ITGA5: variants seen among roughly 807,000 people sequenced by gnomAD.
The protein encoded by ITGA5 is integrin alpha-5.
A neutral mutation model predicts 146.3 loss-of-function variants in ITGA5; 55 were observed. The observed-to-expected ratio is 0.38, with a 90% CI of 0.30 to 0.47. The LOEUF (loss-of-function observed/expected upper bound fraction) is 0.47, where lower values mean the gene tolerates loss of function less well. ITGA5 is among the 20% of genes least tolerant of loss of function. The probability of loss-of-function intolerance (pLI) is 0.99; values close to 1 mark genes in which losing one functional copy is unlikely to be tolerated. For missense variants in ITGA5, 1,131 were observed against 1,329.0 expected, an observed-to-expected ratio of 0.85 and a Z score of 2.32; for synonymous variants, 500 against 531.8, an observed-to-expected ratio of 0.94 and a Z score of 0.82.
rs149252170 is a variant in ITGA5, at chr12:54,409,144, T to C, written c.583+88A>G. On this transcript the variant is annotated intron_variant, in intron 4 of 29. Transcript: ENST00000293379. The surrounding 1 kb of genome is among the most constrained non-coding windows in gnomAD (Gnocchi z 4.7). Reference sequence around the variant, plus strand: ...CAACCTAGAACCTCATGGGGGCACATGGTAGGTGCGAGTCAACCCTAAGTA... The same window carrying C: ...CAACCTAGAACCTCATGGGGGCACACGGTAGGTGCGAGTCAACCCTAAGTA... The C allele has an allele frequency of 3.0e-4, 462 of 1,532,342 alleles. 1 individual carries two copies. The African/African-American group carries it at 5.5e-3, about 18-fold the overall frequency. 94.9% of individuals were successfully genotyped at this position (1,532,342 alleles called of 1,614,324 possible). A position where few individuals can be genotyped will look rare whatever the true frequency, so the allele number is the denominator to read the frequency against.
In ITGA5 at chr12:54,401,480, T is replaced by C. The variant is rs1316133569; in HGVS notation, c.2388-2A>G. On this transcript the variant is annotated splice_acceptor_variant, in intron 23 of 29. Transcript: ENST00000293379. LOFTEE classifies it high-confidence loss of function. The surrounding 1 kb of genome is among the most constrained non-coding windows in gnomAD (Gnocchi z 5.0). ...AGCACTGCCTCAGGCTTGGAGACAC[T>C]AAGGAGGAGGGTGGTTTAGAGGAGG... The C allele has an allele frequency of 6.3e-7, 1 of 1,595,574 alleles. No homozygotes were observed. Among genetic ancestry groups the C allele is most frequent in the African/African-American group, 1.4e-5 (1 of 72,042 alleles).
chr12:54,398,408 C>T (rs1303157727), intron 28 of ITGA5, among the ~76,000 whole-genome samples, 189 bp downstream of exon 28: 1 of 152,220 alleles, frequency 6.6e-6, no homozygotes, highest in African/African-American at 2.4e-5. Flanking sequence ...AGACTGTGAA[C>T]ACCAGGAGCA....
In ITGA5 at chr12:54,416,649, GTA is replaced by G. The variant is rs564368215; in HGVS notation, c.218+2330_218+2331del. On this transcript the variant is annotated intron_variant, in intron 1 of 29. Coordinates refer to ENST00000293379, the MANE Select transcript of ITGA5 (RefSeq NM_002205.5). The surrounding 1 kb of genome is among the most constrained non-coding windows in gnomAD (Gnocchi z 4.1). ...ACTCTCTGTGGACCAGGTTCCTTTT[GTA>G]TATGTTTTCTCATTTAGTCCTCAGA... 1.9e-3 allele frequency among the ~76,000 whole-genome samples: 285 copies of G among 152,340 alleles called. No individual in the cohort carries two copies. Among genetic ancestry groups the G allele is most frequent in the African/African-American group, 6.1e-3 (254 of 41,564 alleles).
chr12:54,408,934 G>C lies in ITGA5; in HGVS notation c.604C>G (p.Gln202Glu). The change falls in exon 5 of 30, where the codon CAG becomes GAG. Residue 202 changes from glutamine to glutamate, a missense_variant. By Grantham distance (29) the Gln-to-Glu change is conservative (BLOSUM62 2). Around this residue, in one of 3 missense-constraint regions of ITGA5, gnomAD observed 67 missense variants for 128.2 expected, o/e 0.52. Transcript: ENST00000293379. ...CTGAAGCCTCCTTGGCAGTAACCCTGTCCTGCTGCCCAGCTGAAATCTGTG... is the reference window on the plus strand; with the variant it reads ...CTGAAGCCTCCTTGGCAGTAACCCTCTCCTGCTGCCCAGCTGAAATCTGTG... ...CRSDFSWAAG[Q>E]GYCQGGFSAE... 1 of 1,614,088 alleles carries C rather than the reference G, an allele frequency of 6.2e-7. No individual in the cohort carries two copies. The highest frequency in any genetic ancestry group is 8.5e-7 in the Non-Finnish European group (1 of 1,180,008).
At chr12:54,414,063 G>A (rs1592293823) in intron 1 of ITGA5, among the ~76,000 whole-genome samples, 3 of 152,180 alleles carry the variant, frequency 2.0e-5, no homozygotes, top group Admixed American at 6.5e-5. Flanking sequence ...TATCCATTCC[G>A]GCTGTGCGAT....
chr12:54,403,312 A>G lies in ITGA5; in HGVS notation c.1789T>C (p.Phe597Leu). 1 of 1,530,556 alleles carries G rather than the reference A, an allele frequency of 6.5e-7. No homozygotes were observed. Among genetic ancestry groups the G allele is most frequent in the Non-Finnish European group, 8.8e-7 (1 of 1,141,096 alleles). 94.8% of individuals were successfully genotyped at this position (1,530,556 alleles called of 1,614,324 possible). ...MKIYLRNESE[F>L]RDKLSPIHIA... ...TGAATCGGCGAGAGTTTGTCTCGAA[A>G]TTCTGACTCGTTCTGGGGCCAGAGG... Residue 597 changes from phenylalanine (F) to leucine (L), a missense_variant, in exon 18 of 30, where the codon TTT becomes CTT. Transcript: ENST00000293379. This position sits in a 1 kb window ranked among gnomAD's most constrained non-coding sequence, Gnocchi z 4.9.
chr12:54,411,955 C>A lies in ITGA5; in HGVS notation c.228G>T (p.Val76=). The change falls in exon 2 of 30, where the codon GTG becomes GTT. Residue 76 remains valine (V), a synonymous_variant. Transcript: ENST00000293379. ...FYRPGTDGVS[V]LVGAPKANTS... is the part of the protein sequence containing the mutation. ...TATTAGCCTTGGGTGCTCCCACCAG[C>A]ACACTGACCCTGTGGGGGGGAAAAG... is the stretch of plus-strand genomic sequence containing the variant. The A allele has an allele frequency of 6.3e-7, 1 of 1,592,028 alleles. No homozygotes were observed. The highest frequency in any genetic ancestry group is 8.6e-7 in the Non-Finnish European group (1 of 1,169,432).
chr12:54,400,225 C>T (rs1476147929), intron 25 of ITGA5: 6 of 455,068 alleles, frequency 1.3e-5, no homozygotes, highest in Non-Finnish European at 2.4e-5. Flanking sequence ...TTGGAATGCT[C>T]ATCCCTGAGT....
In ITGA5 at chr12:54,414,559, G is replaced by C. The variant is rs368379293; in HGVS notation, c.219-2595C>G. Among the ~76,000 whole-genome samples, 191 of 152,256 alleles carry C rather than the reference G, an allele frequency of 1.3e-3. 2 individuals are homozygous for C. The highest frequency in any genetic ancestry group is 5.2e-3 in the South Asian group (25 of 4,826). ...GATGTTTTTGGTTAATAAAAAATGA[G>C]AAAAGCGCCAGGTGCGGTGGCTCAC... is the stretch of plus-strand genomic sequence containing the variant. On this transcript the variant is annotated intron_variant, in intron 1 of 29. Coordinates refer to ENST00000293379, the MANE Select transcript of ITGA5 (RefSeq NM_002205.5).
In ITGA5 at chr12:54,396,169, G is replaced by T; in HGVS notation, c.*124C>A. On this transcript the variant is annotated 3_prime_UTR_variant, in exon 30 of 30. Coordinates refer to ENST00000293379, the MANE Select transcript of ITGA5 (RefSeq NM_002205.5). ...TCTGGCCCTTCAAGTATGTCTCTGG[G>T]CTGGGGAGAGGAGCTTCTCCCTGGC... 1.4e-6 allele frequency: 1 copy of T among 732,208 alleles called. No individual in the cohort carries two copies. Among genetic ancestry groups the T allele is most frequent in the Non-Finnish European group, 2.3e-6 (1 of 426,534 alleles). The allele number at this position is 732,208 out of a possible 1,614,324, so 45.4% of individuals were successfully genotyped here. A position where few individuals can be genotyped will look rare whatever the true frequency, so the allele number is the denominator to read the frequency against.
chr12:54,414,715 C>G (rs747062179), intron 1 of ITGA5, among the ~76,000 whole-genome samples: 5 of 150,848 alleles, frequency 3.3e-5, no homozygotes, highest in African/African-American at 1.2e-4. Context: ...GGCGTGGTGG[C>G]GGGCGCTTGT....
rs1287351831 is a variant in ITGA5 at position 54,397,472 on chromosome 12, G to C, written c.2959C>G (p.Gln987Glu). ...TAGCTGCCTTCTGCCTTGGTCCATTGCACAGCTGTGGCCACCTGGGGAGCA... is the reference window on the plus strand; with the variant it reads ...TAGCTGCCTTCTGCCTTGGTCCATTCCACAGCTGTGGCCACCTGGGGAGCA... ...QKERQVATAV[Q>E]WTKAEGSYGV... The change falls in exon 29 of 30, where the codon CAA becomes GAA. Residue 987 changes from glutamine (Q) to glutamate (E), a missense_variant. Gln to Glu is a conservative substitution (Grantham distance 29). Coordinates refer to ENST00000293379, the MANE Select transcript of ITGA5 (RefSeq NM_002205.5). 6.2e-7 allele frequency: 1 copy of C among 1,613,936 alleles called. No individual in the cohort carries two copies. The highest frequency in any genetic ancestry group is 8.5e-7 in the Non-Finnish European group (1 of 1,179,990).
chr12:54,397,544 C>A (rs1955728098), intron 28 of ITGA5, 57 bp from the exon 29 acceptor site: 1 of 1,602,700 alleles, frequency 6.2e-7, no homozygotes, highest in African/African-American at 1.3e-5. Flanking sequence ...CTACCCTATA[C>A]TTGGCCCCCA....
rs527756302 is a variant in ITGA5, at chr12:54,404,179, G to A, written c.1531C>T (p.Arg511Trp). 7.5e-6 allele frequency: 12 copies of A among 1,597,976 alleles called. No individual in the cohort carries two copies. Among genetic ancestry groups the A allele is most frequent in the East Asian group, 6.7e-5 (3 of 44,812 alleles). ...GGGTTCCCCTCTAAGCTGCAGCTCC[G>A]CTCCTCTGGGTTGAACATGGCGGGG... ...IFPAMFNPEE[R>W]SCSLEGNPVA... The change falls in exon 15 of 30, where the codon CGG becomes TGG. Residue 511 changes from arginine to tryptophan, a missense_variant. Physicochemically the swap from Arg to Trp is moderately radical, Grantham distance 101 (BLOSUM62 -3). This residue lies in a region of ITGA5 where 889 missense variants were observed against 1,021.5 expected (regional missense o/e 0.87). Transcript: ENST00000293379.
At position 54,401,259 on chromosome 12, in the gene ITGA5, T is replaced by TA; in HGVS notation, c.2493+113dup. The TA allele has an allele frequency of 1.1e-6, 1 of 873,424 alleles. No individual in the cohort carries two copies. Among genetic ancestry groups the TA allele is most frequent in the Non-Finnish European group, 1.9e-6 (1 of 522,086 alleles). The allele number at this position is 873,424 out of a possible 1,614,324, so 54.1% of individuals were successfully genotyped here. A position where few individuals can be genotyped will look rare whatever the true frequency, so the allele number is the denominator to read the frequency against. On this transcript the variant is annotated intron_variant, in intron 24 of 29. Coordinates refer to ENST00000293379, the MANE Select transcript of ITGA5 (RefSeq NM_002205.5). The surrounding 1 kb of genome is among the most constrained non-coding windows in gnomAD (Gnocchi z 5.0). ...CTGCCTCATGCCTTTGCATATCACTTACTCCTCCCTCCTCTCTTTCTCTCA... is the reference window on the plus strand; with the variant it reads ...CTGCCTCATGCCTTTGCATATCACTTAACTCCTCCCTCCTCTCTTTCTCTCA...
chr12:54,410,005 C>T lies in ITGA5; in HGVS notation c.350-408G>A, dbSNP rs1039297349. On this transcript the variant is annotated intron_variant, in intron 2 of 29. Coordinates refer to ENST00000293379, the MANE Select transcript of ITGA5 (RefSeq NM_002205.5). ...CTCAGTAGCTGGGATTACAGGTGCG[C>T]GTCACCACACCTGGCTAATTTTTGT... Among the ~76,000 whole-genome samples, 22 of 152,062 alleles carry T rather than the reference C, an allele frequency of 1.4e-4. No homozygotes were observed. The East Asian group carries it at 2.7e-3, about 19-fold the overall frequency.
At chr12:54,399,562 T>A in intron 27 of ITGA5, 83 bp downstream of exon 27, 1 of 929,248 alleles carries the variant, frequency 1.1e-6, no homozygotes, top group Non-Finnish European at 1.8e-6. Context: ...AAAGGAGAGG[T>A]GGCTACTGCA....
Position 54,407,689 on chromosome 12 carries a change from A to C in ITGA5, c.866T>G (p.Phe289Cys). The change falls in exon 9 of 30, where the codon TTT (phenylalanine) becomes TGT (cysteine). Residue 289 changes from phenylalanine to cysteine, a missense_variant. Transcript: ENST00000293379. Reference sequence around the variant, plus strand: ...GTTCCCTTTGGGCACACCAGCAACAAAGTCTGCAAAGAGAAGAGAAAGTTG... The same window carrying C: ...GTTCCCTTTGGGCACACCAGCAACACAGTCTGCAAAGAGAAGAGAAAGTTG... ...GEFSGDDTED[F>C]VAGVPKGNLT... 6.2e-7 allele frequency: 1 copy of C among 1,613,816 alleles called. No individual in the cohort carries two copies. Among genetic ancestry groups the C allele is most frequent in the South Asian group, 1.1e-5 (1 of 91,052 alleles).
chr12:54,419,149 C>T lies in ITGA5; in HGVS notation c.50G>A (p.Trp17Ter). ...ESPLHAVQLRWGPRRRPPLLP... is the reference protein window; with the variant it reads ...ESPLHAVQLR ...CAGCGGGGGTCGGCGCCGGGGGCCC[C>T]AGCGCAGCTGCACGGCGTGGAGAGG... The change falls in exon 1 of 30, where the codon TGG becomes TAG. Residue 17 changes from tryptophan to a stop codon, truncating the protein, a stop_gained. Transcript: ENST00000293379. LOFTEE classifies it high-confidence loss of function. 6.3e-7 allele frequency: 1 copy of T among 1,588,366 alleles called. No individual in the cohort carries two copies. The highest frequency in any genetic ancestry group is 8.6e-7 in the Non-Finnish European group (1 of 1,169,290).
Sources: allele counts gnomAD v4.1 joint callset (sites outside exome capture counted in the v4.1 genomes callset), GRCh38; gene constraint gnomAD v4.1.1; regional missense constraint gnomAD v4.1.1; non-coding constraint Gnocchi (gnomAD v3.1); transcripts MANE v1.5; gene names NCBI Gene and HGNC (gene_info 2026-07-23, HGNC 2026-07-21).